The following PCDH15 variants were observed in gnomAD, a reference collection of about 807,000 sequenced individuals.
PCDH15 encodes protocadherin related 15.
PCDH15 carries 129 observed loss-of-function variants against 178.5 expected under a neutral mutation model. The ratio of observed to expected loss-of-function variants is 0.72; its 90% CI spans 0.63 to 0.84. PCDH15 has a LOEUF of 0.84. Among genes scored for constraint, PCDH15 ranks in the 40% least tolerant of loss-of-function variants. The pLI, the probability that PCDH15 is intolerant of heterozygous loss-of-function variation, is 0.00. For synonymous variants in PCDH15, 800 were observed against 732.0 expected, an observed-to-expected ratio of 1.09 and a Z score of -1.50; for missense variants, 2,230 against 2,099.9, an observed-to-expected ratio of 1.06 and a Z score of -1.21.
At chr10:55,509,791 T>C (rs533997060) in intron 2 of PCDH15, among the ~76,000 whole-genome samples, 1 of 152,058 alleles carries the variant, frequency 6.6e-6, no homozygotes, top group African/African-American at 2.4e-5. Context: ...GTGTAAGTTA[T>C]ACGTCAGCAA....
At chr10:53,833,402 C>T (rs1482816677) in intron 29 of PCDH15, among the ~76,000 whole-genome samples, 2 of 152,054 alleles carry the variant, frequency 1.3e-5, no homozygotes, top group Non-Finnish European at 2.9e-5. Flanking sequence ...CTTTTGAACC[C>T]ACACCTGATC....
At chr10:53,905,374 C>T (rs990508370) in intron 25 of PCDH15, 6 of 420,776 alleles carry the variant, frequency 1.4e-5, no homozygotes, top group African/African-American at 1.0e-4. Flanking sequence ...CCCTCTGTCG[C>T]CCAGGCTGGA....
chr10:54,207,402 G>A (rs944084856), intron 10 of PCDH15, among the ~76,000 whole-genome samples: 2 of 127,420 alleles, frequency 1.6e-5, no homozygotes, highest in African/African-American at 2.9e-5. Context: ...GTGTGTGTGT[G>A]TGTGTGTTTT....
intron 2 of PCDH15, among the ~76,000 whole-genome samples, chr10:55,442,772 T>A (rs1467276300): frequency 3.3e-5 from 5 of 151,888 alleles, no homozygotes; most frequent in Non-Finnish European, 7.4e-5. Flanking sequence ...TTCTTTCTAC[T>A]TTTACCTATG....
Position 54,022,213 on chromosome 10 carries a change from C to T in PCDH15, c.2526+679G>A, listed in dbSNP as rs533784160. Reference sequence around the variant, plus strand: ...ATGCAGATTTATGGATCAGCCTAATCTACTGAATCAAAATGTTCAGGACTG... The same window carrying T: ...ATGCAGATTTATGGATCAGCCTAATTTACTGAATCAAAATGTTCAGGACTG... On this transcript the variant is annotated intron_variant, in intron 19 of 37. Transcript: ENST00000644397. Among the ~76,000 whole-genome samples, 4 of 151,698 alleles carry T rather than the reference C, an allele frequency of 2.6e-5. 1 individual carries two copies. In the South Asian group the frequency reaches 8.3e-4, roughly 32 times the overall value.
intron 3 of PCDH15, among the ~76,000 whole-genome samples, chr10:54,876,285 T>C (rs868695142): frequency 5.2e-4 from 79 of 152,302 alleles, no homozygotes; most frequent in African/African-American, 1.9e-3. Flanking sequence ...ACAATGTTCC[T>C]AGTAACTCAA....
intron 2 of PCDH15, among the ~76,000 whole-genome samples, chr10:55,520,322 ATGTG>A (rs199772780): frequency 3.3e-5 from 1 of 30,632 alleles, no homozygotes. Context: ...TATACATGCA[ATGTG>A]TATATATATA....
chr10:54,173,077 C>T (rs1196173947), intron 13 of PCDH15, among the ~76,000 whole-genome samples: 1 of 152,124 alleles, frequency 6.6e-6, no homozygotes, highest in Admixed American at 6.6e-5. Context: ...ATTAGTATTT[C>T]TTCAAATTTA....
intron 2 of PCDH15, among the ~76,000 whole-genome samples, chr10:55,021,073 G>A (rs150535844): frequency 6.6e-6 from 1 of 152,106 alleles, no homozygotes; most frequent in African/African-American, 2.4e-5. Context: ...TCAGAGAAAG[G>A]CATAGACTTG....
chr10:54,670,616 A>C (rs1488033869), intron 1 of PCDH15, among the ~76,000 whole-genome samples: 1 of 152,162 alleles, frequency 6.6e-6, no homozygotes, highest in Non-Finnish European at 1.5e-5. Context: ...TACATGCCAA[A>C]TGTTATAATA....
chr10:55,308,852 A>C (rs946415687), intron 1 of PCDH15, among the ~76,000 whole-genome samples: 3 of 152,202 alleles, frequency 2.0e-5, no homozygotes, highest in African/African-American at 7.2e-5. Context: ...ATTATAACAC[A>C]GTTTCAAAGG....
rs144306881 is a variant in PCDH15, at chr10:54,337,431, C to T, written c.595-7725G>A. Among the ~76,000 whole-genome samples, 212 of 152,138 alleles carry T rather than the reference C, an allele frequency of 1.4e-3. 2 individuals are homozygous for T. Among genetic ancestry groups the T allele is most frequent in the Admixed American group, 9.6e-3 (147 of 15,270 alleles). ...ATCCCCAAGTGTTGAGGGAGGGACC[C>T]GGTGAGAGATAATTAAATCATGGGG... On this transcript the variant is annotated intron_variant, in intron 6 of 37. Transcript: ENST00000644397.
intron 2 of PCDH15, among the ~76,000 whole-genome samples, chr10:55,418,623 G>A (rs1344906386): frequency 2.0e-5 from 3 of 151,632 alleles, no homozygotes; most frequent in Non-Finnish European, 4.4e-5. Context: ...AGAACTCACA[G>A]GCAAGATGGG....
At chr10:54,777,667 T>C (rs1402161806) in intron 1 of PCDH15, among the ~76,000 whole-genome samples, 1 of 152,156 alleles carries the variant, frequency 6.6e-6, no homozygotes, top group African/African-American at 2.4e-5. Context: ...TTTTTTCTTT[T>C]AGTACTGTAC....
At chr10:55,085,710 A>C (rs145215451) in intron 2 of PCDH15, among the ~76,000 whole-genome samples, 269 of 152,042 alleles carry the variant, frequency 1.8e-3, no homozygotes, top group African/African-American at 6.1e-3. Flanking sequence ...TCATATATAT[A>C]GTCAAATTAA....
chr10:55,005,393 G>C (rs1460150746), intron 2 of PCDH15, among the ~76,000 whole-genome samples: 1 of 151,852 alleles, frequency 6.6e-6, no homozygotes, highest in Non-Finnish European at 1.5e-5. Flanking sequence ...TCAAAAATAA[G>C]GTAAATTTGA....
intron 1 of PCDH15, among the ~76,000 whole-genome samples, chr10:55,287,858 C>T (rs1029439097): frequency 3.3e-5 from 5 of 151,798 alleles, no homozygotes. Context: ...TTCCACTATT[C>T]TCATATTTCA....
intron 2 of PCDH15, among the ~76,000 whole-genome samples, chr10:55,520,574 C>T (rs1004568044): frequency 6.7e-6 from 1 of 149,432 alleles, no homozygotes; most frequent in Non-Finnish European, 1.5e-5. Flanking sequence ...CTAGGAAGAA[C>T]ATAAATCATT....
intron 26 of PCDH15, among the ~76,000 whole-genome samples, chr10:53,885,663 C>T (rs551952752): frequency 3.9e-5 from 6 of 152,124 alleles, no homozygotes; most frequent in Non-Finnish European, 8.8e-5. Flanking sequence ...TAATACTACT[C>T]ATTTAAAACA....
Sources: allele counts gnomAD v4.1 joint callset (sites outside exome capture counted in the v4.1 genomes callset), GRCh38; gene constraint gnomAD v4.1.1; transcripts MANE v1.5; gene names NCBI Gene and HGNC (gene_info 2026-07-23, HGNC 2026-07-21).